KLHL32: variants seen among roughly 807,000 people sequenced by gnomAD.
The protein encoded by KLHL32 is kelch like family member 32, also known as kelch-like protein 32.
Under a neutral mutation model 64.8 loss-of-function variants are expected in KLHL32, and 35 were observed. The ratio of observed to expected loss-of-function variants is 0.54; its 90% confidence interval spans 0.41 to 0.72. The LOEUF (loss-of-function observed/expected upper bound fraction) is 0.72. Among genes scored for constraint, KLHL32 ranks in the 30% least tolerant of loss-of-function variants. The probability of loss-of-function intolerance (pLI) is 0.00; values close to 1 mark genes in which losing one functional copy is unlikely to be tolerated. For missense variants in KLHL32, 589 were observed against 768.5 expected (o/e 0.77, Z 2.76); for synonymous variants, 259 against 281.0 (o/e 0.92, Z 0.78).
intron 1 of KLHL32, among the ~76,000 whole-genome samples, chr6:96,937,150 G>A (rs1230578964): frequency 6.6e-6 from 1 of 151,974 alleles, no homozygotes; most frequent in Non-Finnish European, 1.5e-5. Context: ...AATGTATAGC[G>A]TTCTGTAGCC....
chr6:96,983,220 G>A (rs1168245742), intron 3 of KLHL32, among the ~76,000 whole-genome samples: 1 of 152,272 alleles, frequency 6.6e-6, no homozygotes, highest in African/African-American at 2.4e-5. Flanking sequence ...TTGCATCCCA[G>A]GGATGAAGCC....
intron 3 of KLHL32, among the ~76,000 whole-genome samples, chr6:97,036,718 T>C (rs1436200617): frequency 6.6e-6 from 1 of 152,170 alleles, no homozygotes; most frequent in South Asian, 2.1e-4. Flanking sequence ...CAGGTCCTGG[T>C]GCAGGTGTAA....
intron 10 of KLHL32, among the ~76,000 whole-genome samples, chr6:97,138,555 C>T (rs1418889115): frequency 6.6e-6 from 1 of 151,442 alleles, no homozygotes; most frequent in African/African-American, 2.4e-5. Context: ...ACAAAAACAA[C>T]AAAAAAACCC....
intron 2 of KLHL32, among the ~76,000 whole-genome samples, chr6:96,969,333 C>G (rs974573007): frequency 2.0e-5 from 3 of 152,184 alleles, no homozygotes; most frequent in Non-Finnish European, 2.9e-5. Context: ...TATGGTTGTA[C>G]TTTGACCTCA....
intron 6 of KLHL32, among the ~76,000 whole-genome samples, chr6:97,104,212 ACT>A (rs1796105465): frequency 1.3e-5 from 2 of 152,138 alleles, no homozygotes; most frequent in Non-Finnish European, 2.9e-5. Context: ...CAAAGGGACA[ACT>A]CAGGTCACTT....
chr6:97,136,414 A>T (rs1264500233), intron 10 of KLHL32, among the ~76,000 whole-genome samples: 1 of 152,230 alleles, frequency 6.6e-6, no homozygotes, highest in Non-Finnish European at 1.5e-5. Context: ...AAAAGCAGAG[A>T]TACTCTTAGG....
intron 7 of KLHL32, among the ~76,000 whole-genome samples, chr6:97,118,998 C>T (rs899868874): frequency 1.6e-4 from 25 of 152,142 alleles, no homozygotes; most frequent in African/African-American, 6.0e-4. Flanking sequence ...AACTTAGCTG[C>T]GGGTCCATTG....
At chr6:97,097,936 A>C (rs1456462172) in intron 6 of KLHL32, among the ~76,000 whole-genome samples, 1 of 152,216 alleles carries the variant, frequency 6.6e-6, no homozygotes, top group African/African-American at 2.4e-5. Context: ...TATCACTAGC[A>C]TGTCTCACAA....
At chr6:97,116,196 C>G (rs1797791188) in intron 7 of KLHL32, among the ~76,000 whole-genome samples, 2 of 152,166 alleles carry the variant, frequency 1.3e-5, no homozygotes, top group Non-Finnish European at 2.9e-5. Context: ...TTTACTGGCT[C>G]TATACCAAAG....
At chr6:97,039,253 G>A (rs9487817) in intron 3 of KLHL32, among the ~76,000 whole-genome samples, 1 of 151,946 alleles carries the variant, frequency 6.6e-6, no homozygotes, top group Non-Finnish European at 1.5e-5. Context: ...TGGAATTAGA[G>A]GTCATTATGT....
chr6:97,054,057 A>C (rs1490635573), intron 4 of KLHL32, among the ~76,000 whole-genome samples: 1 of 152,146 alleles, frequency 6.6e-6, no homozygotes, highest in African/African-American at 2.4e-5. Flanking sequence ...AAGCAGCAGT[A>C]TATGGGAGTT....
At chr6:97,026,662 C>T (rs1782758856) in intron 3 of KLHL32, among the ~76,000 whole-genome samples, 1 of 152,114 alleles carries the variant, frequency 6.6e-6, no homozygotes, top group Admixed American at 6.5e-5. Flanking sequence ...TATTTATGGT[C>T]ATATACCTTC....
chr6:97,064,523 T>C (rs917552069), intron 4 of KLHL32, 105 bp from the exon 5 acceptor site: 36 of 730,368 alleles, frequency 4.9e-5, no homozygotes, highest in Non-Finnish European at 7.9e-5. Flanking sequence ...TGAAATAGAG[T>C]ACGTAAAGCA....
intron 4 of KLHL32, among the ~76,000 whole-genome samples, chr6:97,043,067 C>T (rs1229155882): frequency 1.3e-5 from 2 of 152,230 alleles, no homozygotes; most frequent in African/African-American, 4.8e-5. Context: ...TTCTCCTCTG[C>T]CATGAGTGGA....
intron 4 of KLHL32, among the ~76,000 whole-genome samples, chr6:97,056,668 AT>A (rs1787998857): frequency 6.6e-6 from 1 of 152,174 alleles, no homozygotes; most frequent in Admixed American, 6.5e-5. Flanking sequence ...GCCCCTACCT[AT>A]ACTCTAGACC....
intron 4 of KLHL32, among the ~76,000 whole-genome samples, chr6:97,042,319 T>G (rs368085765): frequency 2.4e-4 from 37 of 152,312 alleles, no homozygotes; most frequent in African/African-American, 8.2e-4. Flanking sequence ...AATACATGAT[T>G]AAAATCCTCA....
Position 97,037,121 on chromosome 6 carries a change from T to C in KLHL32, c.205-4371T>C, listed in dbSNP as rs57667284. 3.1e-3 allele frequency among the ~76,000 whole-genome samples: 470 copies of C among 152,198 alleles called. 5 individuals carry two copies. Among genetic ancestry groups the C allele is most frequent in the African/African-American group, 0.01 (421 of 41,572 alleles). On this transcript the variant is annotated intron_variant, in intron 3 of 10. Transcript: ENST00000369261. Reference sequence around the variant, plus strand: ...ATATGTTAAATACTCCCAATAGCTTTAAGATATTTTGAATATTATTTTATT... The same window carrying C: ...ATATGTTAAATACTCCCAATAGCTTCAAGATATTTTGAATATTATTTTATT...
Position 97,087,727 on chromosome 6 carries a change from G to A in KLHL32, c.627+2386G>A, listed in dbSNP as rs905714530. 2.0e-5 allele frequency among the ~76,000 whole-genome samples: 3 copies of A among 152,252 alleles called. No homozygotes were observed. The South Asian group carries it at 6.2e-4, about 32-fold the overall frequency. On this transcript the variant is annotated intron_variant, in intron 6 of 10. Transcript: ENST00000369261. ...CTTACGCAGGTGGCTCTTCTACTAT[G>A]TACTGATAATGTCATCTGGGACCAT... is the stretch of plus-strand genomic sequence containing the variant.
At chr6:97,139,086 T>TTGA (rs1363505471) in intron 10 of KLHL32, 35 bp from the exon 11 acceptor site, 1 of 1,584,166 alleles carries the variant, frequency 6.3e-7, no homozygotes, top group African/African-American at 1.4e-5. Context: ...GCAGTCATCT[T>TTGA]TGATACACAA....
Sources: gnomAD v4.1 joint callset for allele counts (sites outside exome capture counted in the v4.1 genomes callset) on GRCh38, gnomAD v4.1.1 for gene constraint, MANE v1.5 for transcripts, NCBI Gene and HGNC (gene_info 2026-07-23, HGNC 2026-07-21) for gene names.